Variants in SPHKAP observed in about 807,000 individuals in gnomAD.
SPHKAP encodes SPHK1 interactor, AKAP domain containing.
SPHKAP carries 67 observed loss-of-function variants against 137.5 expected under a neutral mutation model. The observed-to-expected ratio is 0.49, with a 90% CI of 0.40 to 0.60. The LOEUF (loss-of-function observed/expected upper bound fraction) is 0.60. SPHKAP is among the 20% of genes least tolerant of loss of function. The probability of loss-of-function intolerance (pLI) is 0.00; values close to 1 mark genes in which losing one functional copy is unlikely to be tolerated. For missense variants in SPHKAP, 2,097 were observed against 2,069.3 expected (o/e 1.01, Z -0.26); for synonymous variants, 813 against 785.3 (o/e 1.04, Z -0.59).
At chr2:228,033,994 T>G (rs1695465408) in intron 3 of SPHKAP, among the ~76,000 whole-genome samples, 1 of 152,052 alleles carries the variant, frequency 6.6e-6, no homozygotes, top group Non-Finnish European at 1.5e-5. Flanking sequence ...GCAAACACTT[T>G]CAAAAACTAG....
rs115739298 is a variant in SPHKAP, at chr2:228,041,745, A to C, written c.247-14202T>G. Among the ~76,000 whole-genome samples the C allele has an allele frequency of 7.6e-4, 115 of 151,938 alleles. 1 individual carries two copies. The highest frequency in any genetic ancestry group is 3.4e-3 in the Middle Eastern group (1 of 294). ...AACCTTGTCTTAGAGTAACTGTATT[A>C]CTCTATGTAATACAGTGCAGATTTG... On this transcript the variant is annotated intron_variant, in intron 3 of 11. Coordinates refer to ENST00000392056, the MANE Select transcript of SPHKAP (RefSeq NM_001142644.2).
chr2:228,016,806 T>G lies in SPHKAP; in HGVS notation c.4048A>C (p.Arg1350=), dbSNP rs1347272888. ...SPSQAEKCAN[R]LAASRMCSGP... ...CTGCACATCCTGCTCGCAGCTAATCTATTTGCACACTTCTCTGCTTGCGAG... is the reference window on the plus strand; with the variant it reads ...CTGCACATCCTGCTCGCAGCTAATCGATTTGCACACTTCTCTGCTTGCGAG... Residue 1350 remains arginine (R), a synonymous_variant, in exon 7 of 12, where the codon AGA becomes CGA. Coordinates refer to ENST00000392056, the MANE Select transcript of SPHKAP (RefSeq NM_001142644.2). The G allele has an allele frequency of 1.2e-6, 2 of 1,614,024 alleles. No individual in the cohort carries two copies. Among genetic ancestry groups the G allele is most frequent in the South Asian group, 2.2e-5 (2 of 91,072 alleles).
chr2:228,117,022 A>G (rs948114656), intron 2 of SPHKAP, among the ~76,000 whole-genome samples: 1 of 152,116 alleles, frequency 6.6e-6, no homozygotes, highest in Admixed American at 6.6e-5. Flanking sequence ...GTCCCAATAT[A>G]AATATTTCTC....
chr2:228,098,759 TAAAA>T (rs35722602), intron 3 of SPHKAP, among the ~76,000 whole-genome samples: 9 of 138,704 alleles, frequency 6.5e-5, no homozygotes, highest in Admixed American at 2.1e-4. Flanking sequence ...CCTTAAAGTA[TAAAA>T]AAAAAAAAAA....
At chr2:228,103,947 A>G (rs1339629264) in intron 3 of SPHKAP, among the ~76,000 whole-genome samples, 1 of 152,064 alleles carries the variant, frequency 6.6e-6, no homozygotes, top group East Asian at 1.9e-4. Flanking sequence ...ACAAAATTAT[A>G]TATGTACATT....
intron 11 of SPHKAP, among the ~76,000 whole-genome samples, chr2:227,984,052 G>C (rs1693111273): frequency 6.6e-6 from 1 of 152,068 alleles, no homozygotes; most frequent in Admixed American, 6.6e-5. Context: ...TGTAATCCTG[G>C]CACTTTGGGA....
rs1264950253 is a variant in SPHKAP, at chr2:227,980,562, A to T, written c.*1155T>A. The T allele has an allele frequency of 6.6e-6, 1 of 152,180 alleles. No homozygotes were observed. The highest frequency in any genetic ancestry group is 1.5e-5 in the Non-Finnish European group (1 of 68,008). 9.4% of individuals were successfully genotyped at this position (152,180 alleles called of 1,614,324 possible). A position where few individuals can be genotyped will look rare whatever the true frequency, so the allele number is the denominator to read the frequency against. On this transcript the variant is annotated 3_prime_UTR_variant, in exon 12 of 12. Coordinates refer to ENST00000392056, the MANE Select transcript of SPHKAP (RefSeq NM_001142644.2). ...GATACCTTTATTTTTCAAAAGAGTAAATCTCTGTTATTAAAATAACTAAAA... is the reference window on the plus strand; with the variant it reads ...GATACCTTTATTTTTCAAAAGAGTATATCTCTGTTATTAAAATAACTAAAA...
chr2:228,002,206 T>A (rs1289171348), intron 7 of SPHKAP, among the ~76,000 whole-genome samples: 1 of 152,208 alleles, frequency 6.6e-6, no homozygotes, highest in Admixed American at 6.5e-5. Context: ...AGTGTTCCTG[T>A]TTCTCCACAT....
At chr2:228,015,549 A>C (rs1445348755) in intron 7 of SPHKAP, among the ~76,000 whole-genome samples, 1 of 152,186 alleles carries the variant, frequency 6.6e-6, no homozygotes, top group Non-Finnish European at 1.5e-5. Flanking sequence ...GAATCTTATA[A>C]ATTTTCTACA....
rs966222042 is a variant in SPHKAP, at chr2:228,181,460, G to A, written c.32+107C>T. 4 of 1,476,572 alleles carry A rather than the reference G, an allele frequency of 2.7e-6. No individual in the cohort carries two copies. The highest frequency in any genetic ancestry group is 2.8e-6 in the Non-Finnish European group (3 of 1,055,314). The allele number at this position is 1,476,572 out of a possible 1,614,324, so 91.5% of individuals were successfully genotyped here. A position where few individuals can be genotyped will look rare whatever the true frequency, so the allele number is the denominator to read the frequency against. On this transcript the variant is annotated intron_variant, in intron 1 of 11. Transcript: ENST00000392056. This position sits in a 1 kb window ranked among gnomAD's most constrained non-coding sequence, Gnocchi z 4.3. ...GCAGTGACCCCTGTCTCCTCGCTGG[G>A]AGCCCCGTGCAAACCGAAGCGCTCT...
At chr2:228,159,463 G>A (rs1479739661) in intron 1 of SPHKAP, among the ~76,000 whole-genome samples, 1 of 152,070 alleles carries the variant, frequency 6.6e-6, no homozygotes, top group Non-Finnish European at 1.5e-5. Flanking sequence ...CAGAAGTTAG[G>A]CTCCTACCCT....
chr2:228,074,710 T>G (rs1697119182), intron 3 of SPHKAP, among the ~76,000 whole-genome samples: 1 of 152,202 alleles, frequency 6.6e-6, no homozygotes, highest in African/African-American at 2.4e-5. Context: ...AAGTACACCC[T>G]TCATAGTTTG....
intron 3 of SPHKAP, among the ~76,000 whole-genome samples, chr2:228,039,182 G>A (rs1695746798): frequency 1.3e-5 from 2 of 152,206 alleles, no homozygotes; most frequent in Non-Finnish European, 2.9e-5. Context: ...CTTAGCTGAA[G>A]CAGATGGAAA....
chr2:228,001,725 G>A (rs56023001), intron 7 of SPHKAP, among the ~76,000 whole-genome samples: 25,171 of 151,152 alleles, frequency 0.17, 2,318 homozygotes, highest in East Asian at 0.39. Context: ...CCCGCTCCCC[G>A]CAGCCCACAA....
At chr2:228,004,126 A>G (rs911346746) in intron 7 of SPHKAP, among the ~76,000 whole-genome samples, 1 of 152,214 alleles carries the variant, frequency 6.6e-6, no homozygotes, top group Non-Finnish European at 1.5e-5. Flanking sequence ...GAATAGTTTC[A>G]AAAAGATTGG....
chr2:228,005,376 C>T (rs901180369), intron 7 of SPHKAP, among the ~76,000 whole-genome samples: 2 of 152,158 alleles, frequency 1.3e-5, no homozygotes, highest in African/African-American at 4.8e-5. Context: ...ATTGTAACCC[C>T]TGCCTTTTTT....
Position 228,180,833 on chromosome 2 carries a change from A to G in SPHKAP, c.32+734T>C, listed in dbSNP as rs1437506104. 2.0e-5 allele frequency among the ~76,000 whole-genome samples: 3 copies of G among 152,324 alleles called. No homozygotes were observed. In the East Asian group the frequency reaches 5.8e-4, roughly 30 times the overall value. On this transcript the variant is annotated intron_variant, in intron 1 of 11. Coordinates refer to ENST00000392056, the MANE Select transcript of SPHKAP (RefSeq NM_001142644.2). Reference sequence around the variant, plus strand: ...AGGACTGAGTTAGAAGGAGTGTGGAACAGGGGCAAAAAAGAGACAGGAGAA... The same window carrying G: ...AGGACTGAGTTAGAAGGAGTGTGGAGCAGGGGCAAAAAAGAGACAGGAGAA...
chr2:227,996,049 G>A (rs1693631404), intron 7 of SPHKAP: 1 of 984,474 alleles, frequency 1.0e-6, no homozygotes, highest in African/African-American at 1.7e-5. Context: ...ATGATTCAGT[G>A]TTTCTGGAAG....
intron 3 of SPHKAP, among the ~76,000 whole-genome samples, chr2:228,058,620 C>G (rs1696530917): frequency 6.6e-6 from 1 of 152,170 alleles, no homozygotes; most frequent in Non-Finnish European, 1.5e-5. Context: ...AAGACGTTAA[C>G]CAATGTGCTA....
Sources: gnomAD v4.1 joint callset for allele counts (sites outside exome capture counted in the v4.1 genomes callset) on GRCh38, gnomAD v4.1.1 for gene constraint, Gnocchi (gnomAD v3.1) non-coding constraint, MANE v1.5 for transcripts, NCBI Gene and HGNC (gene_info 2026-07-23, HGNC 2026-07-21) for gene names.